SEMA7A: variants seen among roughly 807,000 people sequenced by gnomAD.
The protein encoded by SEMA7A is semaphorin 7A (JohnMiltonHagen blood group).
A neutral mutation model predicts 67.5 loss-of-function variants in SEMA7A; 21 were observed. That is an observed-to-expected ratio of 0.31 (90% CI 0.22 to 0.45). The LOEUF is 0.45. Among genes scored for constraint, SEMA7A ranks in the 20% least tolerant of loss-of-function variants. The probability of loss-of-function intolerance (pLI) is 1.00; values close to 1 mark genes in which losing one functional copy is unlikely to be tolerated. For synonymous variants in SEMA7A, 364 were observed against 368.5 expected, an observed-to-expected ratio of 0.99 and a Z score of 0.14; for missense variants, 774 against 908.6, an observed-to-expected ratio of 0.85 and a Z score of 1.90.
At chr15:74,427,997 G>A (rs1206065270) in intron 1 of SEMA7A, among the ~76,000 whole-genome samples, 3 of 152,254 alleles carry the variant, frequency 2.0e-5, no homozygotes, top group South Asian at 2.1e-4. Flanking sequence ...CAAGCCTCTG[G>A]CTGGAAGCAT....
chr15:74,433,732 G>A lies in SEMA7A; in HGVS notation c.178+9C>T. 2 of 1,426,748 alleles carry A rather than the reference G, an allele frequency of 1.4e-6. No individual in the cohort carries two copies. The highest frequency in any genetic ancestry group is 1.4e-5 in the South Asian group (1 of 70,530). The allele number at this position is 1,426,748 out of a possible 1,614,324, so 88.4% of individuals were successfully genotyped here. ...TCCCGCGCCTGACCGGCCGCGCGGCGCCGCCTACCTTTCCAGACGGCGAAG... is the reference window on the plus strand; with the variant it reads ...TCCCGCGCCTGACCGGCCGCGCGGCACCGCCTACCTTTCCAGACGGCGAAG... On this transcript the variant is annotated intron_variant, in intron 1 of 13. Transcript: ENST00000261918.
intron 1 of SEMA7A, among the ~76,000 whole-genome samples, chr15:74,419,749 G>C (rs936227751): frequency 4.6e-5 from 7 of 152,172 alleles, no homozygotes; most frequent in African/African-American, 4.8e-5. Flanking sequence ...TCTCCGGGGG[G>C]TGAAGATCGG....
intron 1 of SEMA7A, among the ~76,000 whole-genome samples, chr15:74,422,471 C>T (rs2061008196): frequency 6.6e-6 from 1 of 152,150 alleles, no homozygotes; most frequent in Non-Finnish European, 1.5e-5. Context: ...ACCTCCCGCC[C>T]CATGTGATTC....
At position 74,417,376 on chromosome 15, in the gene SEMA7A, C is replaced by T. The variant is rs55637216; in HGVS notation, c.620G>A (p.Arg207Gln). ...ACTGGTGTACAGCTCACTCTCGCCCCGGATGCGGCGGAACCGAGGGATCTT... is the reference window on the plus strand; with the variant it reads ...ACTGGTGTACAGCTCACTCTCGCCCTGGATGCGGCGGAACCGAGGGATCTT... Reference protein sequence around the residue: ...NGKIPRFRRIRGESELYTSDT... With the variant: ...NGKIPRFRRIQGESELYTSDT... Residue 207 changes from arginine to glutamine, a missense_variant, in exon 6 of 14, where the codon CGG becomes CAG. Physicochemically the swap from Arg to Gln is conservative, Grantham distance 43. Transcript: ENST00000261918. 796 of 1,613,916 alleles carry T rather than the reference C, an allele frequency of 4.9e-4. 1 individual carries two copies. Among genetic ancestry groups the T allele is most frequent in the South Asian group, 6.8e-4 (62 of 91,092 alleles).
intron 1 of SEMA7A, among the ~76,000 whole-genome samples, chr15:74,419,244 G>A (rs1461861241): frequency 6.6e-6 from 1 of 152,172 alleles, no homozygotes; most frequent in African/African-American, 2.4e-5. Flanking sequence ...AGTGGGGAAG[G>A]ATTTAGGGAC....
chr15:74,415,199 C>A (rs1567071836), intron 8 of SEMA7A, among the ~76,000 whole-genome samples: 1 of 152,148 alleles, frequency 6.6e-6, no homozygotes, highest in Non-Finnish European at 1.5e-5. Context: ...GCAGGAGGAA[C>A]CCCATCATAG....
chr15:74,416,754 C>T (rs943095049), intron 6 of SEMA7A, 40 bp from the exon 7 acceptor site: 5 of 1,603,920 alleles, frequency 3.1e-6, no homozygotes, highest in Non-Finnish European at 4.3e-6. Context: ...GGCTGGGAAG[C>T]TTGCCCGGGA....
At chr15:74,431,178 T>A (rs1056746950) in intron 1 of SEMA7A, among the ~76,000 whole-genome samples, 3 of 152,192 alleles carry the variant, frequency 2.0e-5, no homozygotes, top group African/African-American at 4.8e-5. Flanking sequence ...CACATGCACA[T>A]CCTTGACTGG....
intron 10 of SEMA7A, among the ~76,000 whole-genome samples, chr15:74,413,051 G>A (rs918438185): frequency 1.1e-4 from 16 of 152,202 alleles, no homozygotes; most frequent in Admixed American, 7.8e-4. Flanking sequence ...CAATTTCCCA[G>A]GGCATCACCT....
At chr15:74,432,905 G>C (rs2061101522) in intron 1 of SEMA7A, among the ~76,000 whole-genome samples, 1 of 152,114 alleles carries the variant, frequency 6.6e-6, no homozygotes, top group Admixed American at 6.5e-5. Context: ...ATAGTACAGG[G>C]TCTAAACTGA....
chr15:74,422,134 G>T (rs2061005503), intron 1 of SEMA7A, among the ~76,000 whole-genome samples: 1 of 152,004 alleles, frequency 6.6e-6, no homozygotes, highest in Non-Finnish European at 1.5e-5. Context: ...TGTGATGGGG[G>T]AGGGAAGATG....
chr15:74,417,753 G>A, intron 4 of SEMA7A, 78 bp from the exon 5 acceptor site: 2 of 1,546,062 alleles, frequency 1.3e-6, no homozygotes, highest in Non-Finnish European at 1.8e-6. Context: ...TTCTCGGCCA[G>A]GAGCCCCATC....
In SEMA7A at chr15:74,433,955, G is replaced by C; in HGVS notation, c.-37C>G. On this transcript the variant is annotated 5_prime_UTR_variant, in exon 1 of 14. Coordinates refer to ENST00000261918, the MANE Select transcript of SEMA7A (RefSeq NM_003612.5). The stretch of plus-strand genomic sequence containing the variant: ...GGGAGCGACAGCGGCAATCAGCCGA[G>C]ACTGAGCCAGCGCCCGGCCGCAGGC... The C allele has an allele frequency of 3.2e-6, 4 of 1,235,188 alleles. No individual in the cohort carries two copies. The highest frequency in any genetic ancestry group is 3.0e-6 in the Non-Finnish European group (3 of 990,642). The allele number at this position is 1,235,188 out of a possible 1,614,324, so 76.5% of individuals were successfully genotyped here.
chr15:74,422,972 G>A (rs999308882), intron 1 of SEMA7A, among the ~76,000 whole-genome samples: 10 of 152,242 alleles, frequency 6.6e-5, no homozygotes, highest in African/African-American at 2.4e-4. Flanking sequence ...CCCATGCTCT[G>A]GTCTGGCAAA....
chr15:74,428,100 T>C (rs2061057640), intron 1 of SEMA7A, among the ~76,000 whole-genome samples: 1 of 152,246 alleles, frequency 6.6e-6, no homozygotes, highest in Non-Finnish European at 1.5e-5. Flanking sequence ...GATCAACCTG[T>C]CCTTGGGACC....
At chr15:74,413,741 T>C (rs2060921486) in intron 10 of SEMA7A, among the ~76,000 whole-genome samples, 1 of 152,132 alleles carries the variant, frequency 6.6e-6, no homozygotes. Flanking sequence ...TCCAGTTTCC[T>C]ACAAGGTCAC....
intron 3 of SEMA7A, 138 bp from the exon 4 acceptor site, chr15:74,418,107 G>T: frequency 8.6e-7 from 1 of 1,169,380 alleles, no homozygotes; most frequent in Non-Finnish European, 1.3e-6. Context: ...GGACAGCCCA[G>T]AGTGTGTGCA....
In SEMA7A at chr15:74,410,810, C is replaced by A; in HGVS notation, c.1815G>T (p.Ala605=). ...CGCAGAAGTAGTGGCCGTACTGCTG[C>A]GCCGTGAGGTTCTCGATGAACAGGA... The part of the protein sequence containing the change: ...NCILFIENLT[A]QQYGHYFCEA... The change falls in exon 14 of 14, where the codon GCG becomes GCT. Residue 605 remains alanine (A), a synonymous_variant. Coordinates refer to ENST00000261918, the MANE Select transcript of SEMA7A (RefSeq NM_003612.5). This position sits in a 1 kb window ranked among gnomAD's most constrained non-coding sequence, Gnocchi z 7.5. 2 of 1,614,204 alleles carry A rather than the reference C, an allele frequency of 1.2e-6. No homozygotes were observed. Among genetic ancestry groups the A allele is most frequent in the Non-Finnish European group, 1.7e-6 (2 of 1,180,042 alleles).
Position 74,414,983 on chromosome 15 carries a change from A to C in SEMA7A, c.987-37T>G, listed in dbSNP as rs1698738537. On this transcript the variant is annotated intron_variant, in intron 8 of 13. Coordinates refer to ENST00000261918, the MANE Select transcript of SEMA7A (RefSeq NM_003612.5). This position sits in a 1 kb window ranked among gnomAD's most constrained non-coding sequence, Gnocchi z 4.1. ...TGGAGACCAGCTCAATGGGGGGCCC[A>C]GAACCCACCCATCCACCTCCACTCA... 1 of 1,557,120 alleles carries C rather than the reference A, an allele frequency of 6.4e-7. No homozygotes were observed. Among genetic ancestry groups the C allele is most frequent in the African/African-American group, 1.4e-5 (1 of 73,810 alleles).
Sources: gnomAD v4.1 joint callset for allele counts (sites outside exome capture counted in the v4.1 genomes callset) on GRCh38, gnomAD v4.1.1 for gene constraint, Gnocchi (gnomAD v3.1) non-coding constraint, MANE v1.5 for transcripts, NCBI Gene and HGNC (gene_info 2026-07-23, HGNC 2026-07-21) for gene names.